SARS1: variants seen among roughly 807,000 people sequenced by gnomAD.
SARS1 encodes serine--tRNA ligase, cytoplasmic.
In SARS1, 25 loss-of-function variants were observed where a neutral mutation model predicts 63.7. The observed-to-expected ratio is 0.39, with a 90% CI of 0.29 to 0.55. The LOEUF is 0.55. Ranked by LOEUF, SARS1 falls within the 20% of genes least tolerant of loss-of-function variation. The probability of loss-of-function intolerance (pLI) is 0.62; values close to 1 mark genes in which losing one functional copy is unlikely to be tolerated. For missense variants in SARS1, 417 were observed against 649.7 expected (o/e 0.64, Z 3.89); for synonymous variants, 231 against 243.5 (o/e 0.95, Z 0.48).
intron 1 of SARS1, among the ~76,000 whole-genome samples, chr1:109,221,986 A>G (rs1478075601): frequency 0.025 from 59 of 2,320 alleles, 1 homozygote; most frequent in South Asian, 0.04. Flanking sequence ...ATATATATAT[A>G]TATATATATA....
intron 3 of SARS1, 23 bp from the exon 4 acceptor site, chr1:109,229,391 G>A (rs1655157688): frequency 6.2e-7 from 1 of 1,611,068 alleles, no homozygotes; most frequent in East Asian, 2.2e-5. Context: ...TCCTGCTTAT[G>A]GGCCTGGCCT....
intron 1 of SARS1, chr1:109,217,280 G>A (rs1373408306): frequency 2.7e-6 from 1 of 368,672 alleles, no homozygotes; most frequent in Non-Finnish European, 3.8e-6. Context: ...GCTTAGCCAA[G>A]CCTACCTTAA....
At chr1:109,225,964 C>G (rs908749486) in intron 2 of SARS1, among the ~76,000 whole-genome samples, 2 of 152,100 alleles carry the variant, frequency 1.3e-5, no homozygotes, top group African/African-American at 2.4e-5. Flanking sequence ...CTTATCAAGA[C>G]TCATTCTGAT....
Position 109,229,484 on chromosome 1 carries a change from A to G in SARS1, c.359A>G (p.Glu120Gly), listed in dbSNP as rs2101198720. Residue 120 changes from glutamate to glycine, a missense_variant, in exon 4 of 11, where the codon GAG (glutamate) becomes GGG (glycine). By Grantham distance (98) the Glu-to-Gly change is moderately conservative. Around this residue, in one of 3 missense-constraint regions of SARS1, gnomAD observed 359 missense variants for 529.6 expected, o/e 0.68. Transcript: ENST00000234677. ...GAAGCCATCCTGAAGTGTGACGCGG[A>G]GCGGATAAAGTTGGAAGCAGAGCGG... ...IDEAILKCDA[E>G]RIKLEAERFE... 1 of 1,614,138 alleles carries G rather than the reference A, an allele frequency of 6.2e-7. No individual in the cohort carries two copies. The highest frequency in any genetic ancestry group is 1.6e-4 in the Middle Eastern group (1 of 6,062).
intron 9 of SARS1, 153 bp downstream of exon 9, chr1:109,236,701 A>C: frequency 6.7e-7 from 1 of 1,494,252 alleles, no homozygotes; most frequent in Non-Finnish European, 8.9e-7. Flanking sequence ...AATGCCTTCT[A>C]CTGAGTCAGG....
In SARS1 at chr1:109,214,712, T is replaced by C. The variant is rs1267224099; in HGVS notation, c.136+584T>C. On this transcript the variant is annotated intron_variant, in intron 1 of 10. Transcript: ENST00000234677. This position sits in a 1 kb window ranked among gnomAD's most constrained non-coding sequence, Gnocchi z 4.6. ...GACCTATGGGCATACCTTTAAGAAT[T>C]AGAAAAGTCTTTTCCGTGGTAGATC... is the stretch of plus-strand genomic sequence containing the variant. 2 of 985,480 alleles carry C rather than the reference T, an allele frequency of 2.0e-6. No homozygotes were observed. The highest frequency in any genetic ancestry group is 2.4e-6 in the Non-Finnish European group (2 of 829,968). 61.0% of individuals were successfully genotyped at this position (985,480 alleles called of 1,614,324 possible). A position where few individuals can be genotyped will look rare whatever the true frequency, so the allele number is the denominator to read the frequency against.
intron 1 of SARS1, chr1:109,217,154 A>G (rs685653): frequency 0.25 from 243,827 of 983,110 alleles, 30,875 homozygotes; most frequent in East Asian, 0.48. Flanking sequence ...TGTTAGCTTC[A>G]TGTATACAGA....
intron 1 of SARS1, among the ~76,000 whole-genome samples, chr1:109,219,127 G>T (rs562241440): frequency 1.3e-5 from 2 of 150,964 alleles, no homozygotes; most frequent in African/African-American, 4.9e-5. Flanking sequence ...TTAGCCGGGT[G>T]TGGTGGCGGG....
At chr1:109,228,021 G>A (rs538971474) in intron 2 of SARS1, among the ~76,000 whole-genome samples, 2 of 151,770 alleles carry the variant, frequency 1.3e-5, no homozygotes, top group East Asian at 1.9e-4. Context: ...TGAGCATTTC[G>A]AATAAATTCT....
At chr1:109,229,081 G>A (rs1655149637) in intron 3 of SARS1, among the ~76,000 whole-genome samples, 1 of 152,176 alleles carries the variant, frequency 6.6e-6, no homozygotes, top group African/African-American at 2.4e-5. Flanking sequence ...GTTCAGTCAA[G>A]AAAATCAGAA....
Position 109,226,675 on chromosome 1 carries a change from A to AT in SARS1, c.208-1677_208-1676insT, listed in dbSNP as rs1164050994. On this transcript the variant is annotated intron_variant, in intron 2 of 10. Coordinates refer to ENST00000234677, the MANE Select transcript of SARS1 (RefSeq NM_006513.4). Reference sequence around the variant, plus strand: ...TGCCTGGCTAATTTAAAAAAAAAAAAAAATATATATATATATATATATACA... The same window carrying AT: ...TGCCTGGCTAATTTAAAAAAAAAAAATAAATATATATATATATATATATACA... Among the ~76,000 whole-genome samples the AT allele has an allele frequency of 3.4e-3, 111 of 32,398 alleles. 1 individual carries two copies. The highest frequency in any genetic ancestry group is 0.023 in the East Asian group (11 of 478). 21.3% of individuals were successfully genotyped at this position (32,398 alleles called of 152,430 possible).
Position 109,237,625 on chromosome 1 carries a change from C to A in SARS1, c.1388-106C>A. On this transcript the variant is annotated intron_variant, in intron 10 of 10. Transcript: ENST00000234677. The surrounding 1 kb of genome is among the most constrained non-coding windows in gnomAD (Gnocchi z 4.1). ...AGGAAACCAGTGCCTATCAAAGGGA[C>A]CCCTCTGTTCAAAGGGATCATTGTC... 2 of 1,286,492 alleles carry A rather than the reference C, an allele frequency of 1.6e-6. No homozygotes were observed. Among genetic ancestry groups the A allele is most frequent in the Non-Finnish European group, 1.1e-6 (1 of 919,642 alleles). 79.7% of individuals were successfully genotyped at this position (1,286,492 alleles called of 1,614,324 possible).
At chr1:109,218,264 G>A (rs1187361983) in intron 1 of SARS1, among the ~76,000 whole-genome samples, 9 of 151,026 alleles carry the variant, frequency 6.0e-5, no homozygotes, top group African/African-American at 9.7e-5. Context: ...CTACTTGGGA[G>A]GCCGAGGCAG....
intron 1 of SARS1, among the ~76,000 whole-genome samples, chr1:109,219,165 C>T (rs1654863063): frequency 6.7e-6 from 1 of 149,126 alleles, no homozygotes; most frequent in Admixed American, 6.7e-5. Context: ...ACTTGGGAGG[C>T]TGAGGCAGGA....
Position 109,214,247 on chromosome 1 carries a change from C to A in SARS1, c.136+119C>A. On this transcript the variant is annotated intron_variant, in intron 1 of 10. Coordinates refer to ENST00000234677, the MANE Select transcript of SARS1 (RefSeq NM_006513.4). This position sits in a 1 kb window ranked among gnomAD's most constrained non-coding sequence, Gnocchi z 4.6. ...CTTCGTCAGACCCCCTCCCAGGGTG[C>A]GGTGGCTCCGAGGTTCTCCCCATCC... 8.1e-7 allele frequency: 1 copy of A among 1,236,136 alleles called. No individual in the cohort carries two copies. The highest frequency in any genetic ancestry group is 1.1e-6 in the Non-Finnish European group (1 of 900,716). 76.6% of individuals were successfully genotyped at this position (1,236,136 alleles called of 1,614,324 possible). A position where few individuals can be genotyped will look rare whatever the true frequency, so the allele number is the denominator to read the frequency against.
intron 4 of SARS1, among the ~76,000 whole-genome samples, chr1:109,230,002 C>T (rs1455675226): frequency 6.6e-6 from 1 of 152,180 alleles, no homozygotes; most frequent in East Asian, 1.9e-4. Flanking sequence ...TTCCCCGACA[C>T]CCCAGCCGTA....
At chr1:109,226,982 ACTTT>A (rs1655103029) in intron 2 of SARS1, among the ~76,000 whole-genome samples, 1 of 147,948 alleles carries the variant, frequency 6.8e-6, no homozygotes, top group African/African-American at 2.5e-5. Flanking sequence ...CCTTTGACTA[ACTTT>A]CTTTAACTCT....
At position 109,237,881 on chromosome 1, in the gene SARS1, A is replaced by G; in HGVS notation, c.1538A>G (p.Asp513Gly). 2 of 1,614,150 alleles carry G rather than the reference A, an allele frequency of 1.2e-6. No homozygotes were observed. The highest frequency in any genetic ancestry group is 1.7e-6 in the Non-Finnish European group (2 of 1,179,992). Residue 513 changes from aspartate to glycine, a missense_variant, in exon 11 of 11, where the codon GAT (aspartate) becomes GGT (glycine). Asp to Gly is a moderately conservative substitution (Grantham distance 94, BLOSUM62 -1). Coordinates refer to ENST00000234677, the MANE Select transcript of SARS1 (RefSeq NM_006513.4). The surrounding 1 kb of genome is among the most constrained non-coding windows in gnomAD (Gnocchi z 4.1). Reference sequence around the variant, plus strand: ...AGGCTGCAGAACATGGAGGTCACCGATGCTTGAACATTCCTGCCTCCCTAT... The same window carrying G: ...AGGCTGCAGAACATGGAGGTCACCGGTGCTTGAACATTCCTGCCTCCCTAT... The part of the protein sequence containing the change: ...ENRLQNMEVT[D>G]A
At chr1:109,224,312 A>G (rs766730190) in intron 2 of SARS1, among the ~76,000 whole-genome samples, 1 of 152,190 alleles carries the variant, frequency 6.6e-6, no homozygotes, top group Non-Finnish European at 1.5e-5. Flanking sequence ...CTGTTCTTAT[A>G]TTAGAAATAT....
Sources: gnomAD v4.1 joint callset for allele counts (sites outside exome capture counted in the v4.1 genomes callset) on GRCh38, gnomAD v4.1.1 for gene constraint, gnomAD v4.1.1 regional missense constraint, Gnocchi (gnomAD v3.1) non-coding constraint, MANE v1.5 for transcripts, NCBI Gene and HGNC (gene_info 2026-07-23, HGNC 2026-07-21) for gene names.